Variants in ACCSL observed in about 807,000 individuals in gnomAD.
ACCSL encodes probable inactive 1-aminocyclopropane-1-carboxylate synthase-like protein 2.
In ACCSL, 55 loss-of-function variants were observed where a neutral mutation model predicts 61.7. The observed-to-expected ratio is 0.89, with a 90% CI of 0.72 to 1.12. The LOEUF is 1.12. Among genes scored for constraint, ACCSL ranks in the 50% most tolerant of loss-of-function variants. The probability of loss-of-function intolerance (pLI) is 0.00; values close to 1 mark genes in which losing one functional copy is unlikely to be tolerated. For missense variants in ACCSL, 632 were observed against 698.0 expected (o/e 0.91, Z 1.07); for synonymous variants, 258 against 264.3 (o/e 0.98, Z 0.23).
the ACCSL span, among the ~76,000 whole-genome samples, chr11:43,984,841 C>A: frequency 6.6e-6 from 1 of 152,232 alleles, no homozygotes; most frequent in Non-Finnish European, 1.5e-5. Context: ...ATGCGGAGAG[C>A]AGGTGGCATG....
chr11:43,967,518 T>C, the ACCSL span, among the ~76,000 whole-genome samples: 1 of 152,102 alleles, frequency 6.6e-6, no homozygotes. Flanking sequence ...CCCCATAGTC[T>C]TTCTCTCCCA....
the ACCSL span, among the ~76,000 whole-genome samples, chr11:43,936,339 A>G: frequency 1.1e-4 from 17 of 152,214 alleles, no homozygotes; most frequent in Non-Finnish European, 2.4e-4. Flanking sequence ...CCTTTCCCTG[A>G]TATCTTCTCA....
chr11:43,980,037 C>G, the ACCSL span, among the ~76,000 whole-genome samples: 1 of 152,096 alleles, frequency 6.6e-6, no homozygotes, highest in Admixed American at 6.5e-5. Context: ...AAAAGTATCA[C>G]TTAATCAGGA....
the ACCSL span, among the ~76,000 whole-genome samples, chr11:44,038,956 G>A: frequency 6.6e-6 from 1 of 152,186 alleles, no homozygotes; most frequent in Non-Finnish European, 1.5e-5. Context: ...TTGAGCACAG[G>A]AAATAGGGGA....
chr11:44,021,974 A>C, the ACCSL span, among the ~76,000 whole-genome samples: 2 of 152,056 alleles, frequency 1.3e-5, no homozygotes, highest in Non-Finnish European at 2.9e-5. Context: ...CCATTGGTTT[A>C]TGTGCCTATT....
chr11:44,053,459 C>T lies in ACCSL; in HGVS notation c.1002C>T (p.Asp334=). 6.2e-7 allele frequency: 1 copy of T among 1,614,198 alleles called. No homozygotes were observed. Among genetic ancestry groups the T allele is most frequent in the Non-Finnish European group, 8.5e-7 (1 of 1,180,038 alleles). ...VLINPQNPLG[D]IYSPDSLMKY... ...TCAACCCTCAGAATCCTCTGGGTGACATCTACTCCCCAGACTCACTGATGA... is the reference window on the plus strand; with the variant it reads ...TCAACCCTCAGAATCCTCTGGGTGATATCTACTCCCCAGACTCACTGATGA... Residue 334 remains aspartate, a synonymous_variant, in exon 8 of 14, where the codon GAC becomes GAT. Coordinates refer to ENST00000378832, the MANE Select transcript of ACCSL (RefSeq NM_001031854.2).
the ACCSL span, among the ~76,000 whole-genome samples, chr11:43,992,096 G>T: frequency 7.1e-6 from 1 of 141,518 alleles, no homozygotes; most frequent in Non-Finnish European, 1.5e-5. Flanking sequence ...CTGTTGCCCA[G>T]GCTGGAGTGC....
intron 13 of ACCSL, among the ~76,000 whole-genome samples, chr11:44,059,603 C>G (rs780483241): frequency 5.9e-5 from 9 of 152,206 alleles, no homozygotes; most frequent in Non-Finnish European, 1.2e-4. Context: ...CCCGAGAGTA[C>G]AGGCTTTGAT....
the ACCSL span, among the ~76,000 whole-genome samples, chr11:43,931,814 T>C: frequency 5.3e-5 from 8 of 152,172 alleles, no homozygotes; most frequent in East Asian, 1.5e-3. Context: ...TTGAATAAAG[T>C]AGGGGAAGAT....
At chr11:44,047,028 AC>A (rs766254633), upstream of ACCSL, among the ~76,000 whole-genome samples, 2 of 152,178 alleles carry the variant, frequency 1.3e-5, no homozygotes, top group Non-Finnish European at 1.5e-5. Context: ...CCAAAAAAAA[AC>A]AAAAACAAAA....
intron 3 of ACCSL, 60 bp from the exon 4 acceptor site, chr11:44,051,275 T>C: frequency 2.6e-6 from 4 of 1,559,886 alleles, no homozygotes; most frequent in Non-Finnish European, 3.5e-6. Flanking sequence ...AATGACCATC[T>C]AGACCATGAG....
At chr11:43,935,736 T>C in the ACCSL span, among the ~76,000 whole-genome samples, 1 of 152,220 alleles carries the variant, frequency 6.6e-6, no homozygotes, top group Admixed American at 6.5e-5. Flanking sequence ...CAAGTGATCC[T>C]CTAGCCTCAG....
chr11:44,047,862 C>A (rs1952608973), upstream of ACCSL: 1 of 792,284 alleles, frequency 1.3e-6, no homozygotes, highest in African/African-American at 1.7e-5. Flanking sequence ...CTTCATGAAC[C>A]AATCTGGTCA....
the ACCSL span, among the ~76,000 whole-genome samples, chr11:44,017,967 A>G: frequency 6.6e-6 from 1 of 152,138 alleles, no homozygotes; most frequent in Admixed American, 6.5e-5. Context: ...TCCATAAATC[A>G]TAAATTTGGA....
the ACCSL span, among the ~76,000 whole-genome samples, chr11:43,927,837 C>T: frequency 6.6e-6 from 1 of 152,206 alleles, no homozygotes; most frequent in African/African-American, 2.4e-5. Flanking sequence ...TACCATTTCC[C>T]TCCTCAGAGA....
the ACCSL span, among the ~76,000 whole-genome samples, chr11:44,014,487 GA>G: frequency 2.8e-4 from 2 of 7,190 alleles, no homozygotes; most frequent in African/African-American, 1.1e-3. Flanking sequence ...GATAGCCAGA[GA>G]GAGAGAGAGA....
the ACCSL span, among the ~76,000 whole-genome samples, chr11:44,027,283 C>T: frequency 6.6e-6 from 1 of 152,154 alleles, no homozygotes; most frequent in African/African-American, 2.4e-5. Context: ...GAGATGTGGG[C>T]CTTCTTAGAT....
the ACCSL span, among the ~76,000 whole-genome samples, chr11:43,990,531 C>T: frequency 6.6e-6 from 1 of 152,192 alleles, no homozygotes; most frequent in Non-Finnish European, 1.5e-5. Flanking sequence ...AAAAGCCCCT[C>T]CTCTTAATAC....
chr11:44,011,140 A>G, the ACCSL span, among the ~76,000 whole-genome samples: 1 of 152,074 alleles, frequency 6.6e-6, no homozygotes, highest in Non-Finnish European at 1.5e-5. Context: ...AGGGTGTCTC[A>G]GATCTGTGTA....
Sources: gnomAD v4.1 joint callset for allele counts (sites outside exome capture counted in the v4.1 genomes callset) on GRCh38, gnomAD v4.1.1 for gene constraint, MANE v1.5 for transcripts, NCBI Gene and HGNC (gene_info 2026-07-23, HGNC 2026-07-21) for gene names.